LARP4: variants seen among roughly 807,000 people sequenced by gnomAD.
LARP4 encodes la-related protein 4.
LARP4 carries 29 observed loss-of-function variants against 92.9 expected under a neutral mutation model. That is an observed-to-expected ratio of 0.31 (90% CI 0.23 to 0.43). The LOEUF is 0.43. LARP4 is among the 20% of genes least tolerant of loss of function. LARP4 has a pLI of 1.00. For synonymous variants in LARP4, 279 were observed against 284.1 expected (o/e 0.98, Z 0.18); for missense variants, 732 against 860.0 (o/e 0.85, Z 1.86).
At chr12:50,471,858 T>A (rs2139114771) in intron 13 of LARP4, among the ~76,000 whole-genome samples, 1 of 152,186 alleles carries the variant, frequency 6.6e-6, no homozygotes, top group African/African-American at 2.4e-5. Context: ...ACTCATATAT[T>A]TTTTTTACAC....
Position 50,401,007 on chromosome 12 carries a change from C to G in LARP4, c.-4C>G, listed in dbSNP as rs1226881075. The G allele has an allele frequency of 1.4e-5, 22 of 1,613,984 alleles. No homozygotes were observed. Among genetic ancestry groups the G allele is most frequent in the Non-Finnish European group, 1.7e-5 (20 of 1,180,018 alleles). On this transcript the variant is annotated 5_prime_UTR_variant, in exon 1 of 16. Coordinates refer to ENST00000398473, the MANE Select transcript of LARP4 (RefSeq NM_052879.5). ...GGGAACGATTGGGCTGAGCAGAGGA[C>G]GACATGTTGCTTTTCGTGGAGGTGA...
At chr12:50,427,993 C>CTTT (rs781256448) in intron 2 of LARP4, 84 bp downstream of exon 2, 3,924 of 303,908 alleles carry the variant, frequency 0.013, 6 homozygotes, top group Middle Eastern at 0.021. Context: ...AGACACATCT[C>CTTT]TTTTTTTTTT....
chr12:50,471,856 A>AT (rs1245281794), intron 13 of LARP4, among the ~76,000 whole-genome samples: 3 of 151,822 alleles, frequency 2.0e-5, no homozygotes, highest in Non-Finnish European at 2.9e-5. Context: ...AGACTCATAT[A>AT]TTTTTTTTAC....
intron 3 of LARP4, among the ~76,000 whole-genome samples, chr12:50,429,335 C>T (rs916959512): frequency 2.0e-5 from 3 of 151,924 alleles, no homozygotes; most frequent in South Asian, 2.1e-4. Context: ...GAAAAAAAGG[C>T]GGGGTGGCTC....
chr12:50,445,678 C>G (rs565539204), intron 8 of LARP4, among the ~76,000 whole-genome samples: 7 of 152,202 alleles, frequency 4.6e-5, no homozygotes, highest in African/African-American at 1.7e-4. Context: ...GGTTCATCTT[C>G]AAGTTCACTG....
At chr12:50,466,589 TG>T (rs940144877) in intron 12 of LARP4, among the ~76,000 whole-genome samples, 3 of 152,010 alleles carry the variant, frequency 2.0e-5, no homozygotes, top group African/African-American at 7.2e-5. Context: ...ATTTCAGCCT[TG>T]GTGACAAACT....
intron 10 of LARP4, chr12:50,454,666 TATTTC>T (rs1953895641): frequency 3.0e-6 from 1 of 332,384 alleles, no homozygotes; most frequent in African/African-American, 2.1e-5. Context: ...ATAGAAAAAA[TATTTC>T]ATGACACCAG....
intron 10 of LARP4, among the ~76,000 whole-genome samples, chr12:50,457,034 T>C (rs952215632): frequency 6.6e-6 from 1 of 152,046 alleles, no homozygotes; most frequent in African/African-American, 2.4e-5. Context: ...GGCCTCAGCC[T>C]TCTGAGTAGC....
intron 1 of LARP4, among the ~76,000 whole-genome samples, chr12:50,407,086 C>T (rs1017366841): frequency 6.6e-6 from 1 of 151,970 alleles, no homozygotes; most frequent in Non-Finnish European, 1.5e-5. Flanking sequence ...AGTACAGTGG[C>T]ATGATCTCGG....
At chr12:50,417,082 A>G (rs755385257) in intron 1 of LARP4, among the ~76,000 whole-genome samples, 1 of 152,128 alleles carries the variant, frequency 6.6e-6, no homozygotes, top group Non-Finnish European at 1.5e-5. Flanking sequence ...GCATGTATAT[A>G]TAGTGGCAAA....
At chr12:50,459,515 G>A (rs1954938652) in intron 10 of LARP4, among the ~76,000 whole-genome samples, 2 of 151,972 alleles carry the variant, frequency 1.3e-5, no homozygotes, top group African/African-American at 2.4e-5. Flanking sequence ...ACTCCCATTA[G>A]CGTGGTTTTG....
rs554157513 is a variant in LARP4, at chr12:50,438,810, C to A, written c.639+972C>A. Among the ~76,000 whole-genome samples the A allele has an allele frequency of 2.6e-5, 4 of 152,238 alleles. No individual in the cohort carries two copies. The South Asian group carries it at 8.3e-4, about 32-fold the overall frequency. ...AACATGATCTCTCTGATTCTAAAGC[C>A]CATGTTTCATAATCACTGTGCCACA... On this transcript the variant is annotated intron_variant, in intron 6 of 15. Coordinates refer to ENST00000398473, the MANE Select transcript of LARP4 (RefSeq NM_052879.5).
chr12:50,475,727 C>T lies in LARP4; in HGVS notation c.2038C>T (p.Arg680Ter), dbSNP rs928975486. Residue 680 changes from arginine to a stop codon, truncating the protein, a stop_gained, in exon 16 of 16, where the codon CGA (arginine) becomes TGA (stop). Coordinates refer to ENST00000398473, the MANE Select transcript of LARP4 (RefSeq NM_052879.5). LOFTEE classifies it high-confidence loss of function. ...GGCTAGTAAGGATTATTCTGGCTTC[C>T]GAGGCAATATAATCCCCAGGGGAGC... ...ARASKDYSGF[R>*]GNIIPRGAAG... 2 of 1,613,940 alleles carry T rather than the reference C, an allele frequency of 1.2e-6. No individual in the cohort carries two copies. The highest frequency in any genetic ancestry group is 8.5e-7 in the Non-Finnish European group (1 of 1,180,012).
At chr12:50,475,258 C>T (rs1033214981) in intron 15 of LARP4, among the ~76,000 whole-genome samples, 1 of 152,142 alleles carries the variant, frequency 6.6e-6, no homozygotes, top group Non-Finnish European at 1.5e-5. Context: ...CATTATTCAT[C>T]TAATCTGTCC....
At chr12:50,413,606 A>C (rs1203276183) in intron 1 of LARP4, among the ~76,000 whole-genome samples, 1 of 152,188 alleles carries the variant, frequency 6.6e-6, no homozygotes, top group Non-Finnish European at 1.5e-5. Flanking sequence ...CAACACACCT[A>C]GGCTATATGG....
At position 50,466,936 on chromosome 12, in the gene LARP4, G is replaced by C. The variant is rs1216580645; in HGVS notation, c.1384-23G>C. ...AGGGAATGAGATAGCCATGTGACCTGTTTTATTATTTGTTCATTTTAGAGA... is the reference window on the plus strand; with the variant it reads ...AGGGAATGAGATAGCCATGTGACCTCTTTTATTATTTGTTCATTTTAGAGA... On this transcript the variant is annotated intron_variant, in intron 12 of 15. Coordinates refer to ENST00000398473, the MANE Select transcript of LARP4 (RefSeq NM_052879.5). 1.1e-5 allele frequency: 17 copies of C among 1,596,560 alleles called. No individual in the cohort carries two copies. The South Asian group carries it at 1.1e-4, about 10-fold the overall frequency.
At chr12:50,406,458 A>G (rs7133067) in intron 1 of LARP4, among the ~76,000 whole-genome samples, 151,189 of 152,258 alleles carry the variant, frequency 0.99, 75,078 homozygotes, top group Middle Eastern at 1. Context: ...TCCAGCCTGG[A>G]TGACAGAGTG....
At chr12:50,460,208 A>G (rs970513204) in intron 10 of LARP4, among the ~76,000 whole-genome samples, 1 of 152,200 alleles carries the variant, frequency 6.6e-6, no homozygotes, top group African/African-American at 2.4e-5. Context: ...TGATTTAAAC[A>G]TGTCGAGAGT....
chr12:50,443,292 G>A (rs1951514712), intron 8 of LARP4, among the ~76,000 whole-genome samples: 1 of 151,906 alleles, frequency 6.6e-6, no homozygotes, highest in South Asian at 2.1e-4. Context: ...TTGAGACTGG[G>A]GTTTCTTTCT....
Sources: gnomAD v4.1 joint callset for allele counts (sites outside exome capture counted in the v4.1 genomes callset) on GRCh38, gnomAD v4.1.1 for gene constraint, MANE v1.5 for transcripts, NCBI Gene and HGNC (gene_info 2026-07-23, HGNC 2026-07-21) for gene names.